Variants in MYO1D observed in about 807,000 individuals in gnomAD.
The protein encoded by MYO1D is myosin ID, also known as unconventional myosin-Id.
In MYO1D, 83 loss-of-function variants were observed where a neutral mutation model predicts 122.0. The ratio of observed to expected loss-of-function variants is 0.68; its 90% CI spans 0.57 to 0.82. The LOEUF (loss-of-function observed/expected upper bound fraction) is 0.82, where lower values mean the gene tolerates loss of function less well. Among genes scored for constraint, MYO1D ranks in the 40% least tolerant of loss-of-function variants. The pLI is 0.00. For missense variants in MYO1D, 1,157 were observed against 1,269.5 expected (o/e 0.91, Z 1.35); for synonymous variants, 464 against 446.9 (o/e 1.04, Z -0.48).
intron 6 of MYO1D, among the ~76,000 whole-genome samples, chr17:32,770,107 T>C (rs751971037): frequency 6.6e-6 from 1 of 152,152 alleles, no homozygotes; most frequent in Non-Finnish European, 1.5e-5. Context: ...CAGATGACCA[T>C]AAAAGTAAAG....
At chr17:32,861,436 C>CA (rs565060284) in intron 1 of MYO1D, among the ~76,000 whole-genome samples, 12 of 152,164 alleles carry the variant, frequency 7.9e-5, no homozygotes, top group East Asian at 7.7e-4. Context: ...ACGAATGTGA[C>CA]AAAAAACAAA....
At chr17:32,852,132 A>G (rs1056381829) in intron 1 of MYO1D, among the ~76,000 whole-genome samples, 4 of 152,152 alleles carry the variant, frequency 2.6e-5, no homozygotes, top group Non-Finnish European at 4.4e-5. Context: ...GATGAAATGT[A>G]AAGTTTTTTT....
intron 1 of MYO1D, among the ~76,000 whole-genome samples, chr17:32,785,875 A>G (rs1409972489): frequency 6.6e-6 from 1 of 152,158 alleles, no homozygotes; most frequent in African/African-American, 2.4e-5. Flanking sequence ...TTTAAGGAGG[A>G]TAAAGTAATG....
intron 1 of MYO1D, among the ~76,000 whole-genome samples, chr17:32,805,671 T>TG (rs1282349311): frequency 2.5e-5 from 3 of 118,862 alleles, no homozygotes; most frequent in East Asian, 5.5e-4. Flanking sequence ...AATAATTCTC[T>TG]GAAAAAAAAA....
chr17:32,514,944 C>T (rs11656631), intron 21 of MYO1D, among the ~76,000 whole-genome samples: 58,304 of 152,168 alleles, frequency 0.38, 12,013 homozygotes, highest in Non-Finnish European at 0.44. Flanking sequence ...CTGTCTGGCT[C>T]TGGGCAGTTA....
rs1460620298 is a variant in MYO1D at position 32,876,726 on chromosome 17, C to A, written c.95+52G>T. The A allele has an allele frequency of 8.4e-6, 12 of 1,429,370 alleles. 1 individual carries two copies. The highest frequency in any genetic ancestry group is 1.8e-4 in the Middle Eastern group (1 of 5,702). The allele number at this position is 1,429,370 out of a possible 1,614,324, so 88.5% of individuals were successfully genotyped here. A position where few individuals can be genotyped will look rare whatever the true frequency, so the allele number is the denominator to read the frequency against. On this transcript the variant is annotated intron_variant, in intron 1 of 21. Coordinates refer to ENST00000318217, the MANE Select transcript of MYO1D (RefSeq NM_015194.3). ...ATCCGGCCGCGCCCCGAGGCGCCCCCTCTCGGGAAAGCGCAGCCTCGCGCC... is the reference window on the plus strand; with the variant it reads ...ATCCGGCCGCGCCCCGAGGCGCCCCATCTCGGGAAAGCGCAGCCTCGCGCC...
chr17:32,863,409 T>C (rs545112576), intron 1 of MYO1D, among the ~76,000 whole-genome samples: 53 of 152,356 alleles, frequency 3.5e-4, no homozygotes, highest in African/African-American at 1.3e-3. Flanking sequence ...CCCTCAGTCT[T>C]CATTACAACA....
chr17:32,744,093 C>T (rs2089803103), intron 13 of MYO1D, among the ~76,000 whole-genome samples: 1 of 152,134 alleles, frequency 6.6e-6, no homozygotes, highest in Admixed American at 6.5e-5. Flanking sequence ...GACTCAGGCT[C>T]TTTATGATCC....
chr17:32,855,353 A>T (rs563969763), intron 1 of MYO1D, among the ~76,000 whole-genome samples: 2 of 152,266 alleles, frequency 1.3e-5, no homozygotes, highest in African/African-American at 2.4e-5. Context: ...TCCAAAAATA[A>T]CTATTATCCT....
At position 32,760,344 on chromosome 17, in the gene MYO1D, C is replaced by T. The variant is rs1290684817; in HGVS notation, c.1242G>A (p.Leu414=). The change falls in exon 10 of 22, where the codon CTG becomes CTA. Residue 414 remains leucine (L), a synonymous_variant. Coordinates refer to ENST00000318217, the MANE Select transcript of MYO1D (RefSeq NM_015194.3). ...NEKLQQLFIQ[L]VLKQEQEEYQ... ...ATTCCTCTTGTTCTTGCTTCAGAAC[C>T]AGCTGAATAAATAGCTGCTGCAGTT... 6.2e-7 allele frequency: 1 copy of T among 1,612,576 alleles called. No homozygotes were observed. Among genetic ancestry groups the T allele is most frequent in the African/African-American group, 1.3e-5 (1 of 74,902 alleles).
At chr17:32,609,184 T>G (rs1232099221) in intron 20 of MYO1D, among the ~76,000 whole-genome samples, 1 of 152,248 alleles carries the variant, frequency 6.6e-6, no homozygotes, top group Non-Finnish European at 1.5e-5. Flanking sequence ...CTGGCTGTTT[T>G]GATCTCTAGA....
At chr17:32,589,941 T>A (rs1380600098) in intron 21 of MYO1D, among the ~76,000 whole-genome samples, 1 of 152,216 alleles carries the variant, frequency 6.6e-6, no homozygotes, top group Non-Finnish European at 1.5e-5. Context: ...TTCAATTAAC[T>A]CTTTTTGGCA....
rs1567947252 is a variant in MYO1D at position 32,683,561 on chromosome 17, C to CG, written c.2122-24224dup. Among the ~76,000 whole-genome samples the CG allele has an allele frequency of 4.7e-5, 7 of 147,834 alleles. No homozygotes were observed. In the South Asian group the frequency reaches 1.3e-3, roughly 28 times the overall value. On this transcript the variant is annotated intron_variant, in intron 16 of 21. Transcript: ENST00000318217. ...GGGGGTGCCTCCCAGTTAGGCTGCT[C>CG]GGGGGTCAGGGGTCAGGGACCCACT...
intron 21 of MYO1D, among the ~76,000 whole-genome samples, chr17:32,590,079 CT>C (rs1223269318): frequency 2.0e-5 from 3 of 152,154 alleles, no homozygotes; most frequent in African/African-American, 7.2e-5. Context: ...CAGGCTTTGT[CT>C]TGTTGGGCAG....
At chr17:32,770,022 C>A (rs2090097592) in intron 6 of MYO1D, among the ~76,000 whole-genome samples, 1 of 152,186 alleles carries the variant, frequency 6.6e-6, no homozygotes, top group Non-Finnish European at 1.5e-5. Flanking sequence ...CTGGCTAGTT[C>A]TCAGAGAGGT....
intron 21 of MYO1D, among the ~76,000 whole-genome samples, chr17:32,500,957 C>A (rs1909297513): frequency 6.7e-6 from 1 of 148,782 alleles, no homozygotes; most frequent in Non-Finnish European, 1.5e-5. Context: ...TGTAGTGAGT[C>A]AAGATCGTGC....
At chr17:32,560,556 T>TATATAC (rs2087112929) in intron 21 of MYO1D, among the ~76,000 whole-genome samples, 1 of 114,130 alleles carries the variant, frequency 8.8e-6, no homozygotes, top group Non-Finnish European at 1.9e-5. Flanking sequence ...TATATATATA[T>TATATAC]ATATATATAT....
intron 19 of MYO1D, among the ~76,000 whole-genome samples, chr17:32,648,160 G>A (rs912736582): frequency 2.0e-5 from 3 of 152,154 alleles, no homozygotes; most frequent in Admixed American, 6.5e-5. Flanking sequence ...GTTGCAGTGA[G>A]CCAAAATTGC....
chr17:32,576,804 A>T (rs1225431255), intron 21 of MYO1D, among the ~76,000 whole-genome samples: 1 of 152,192 alleles, frequency 6.6e-6, no homozygotes, highest in Non-Finnish European at 1.5e-5. Context: ...CTACAGGCAC[A>T]TGCCACCATG....
Sources: allele counts gnomAD v4.1 joint callset (sites outside exome capture counted in the v4.1 genomes callset), GRCh38; gene constraint gnomAD v4.1.1; transcripts MANE v1.5; gene names NCBI Gene and HGNC (gene_info 2026-07-23, HGNC 2026-07-21).